Variants in NME8 observed in about 807,000 individuals in gnomAD.
NME8 encodes protein NME8.
A neutral mutation model predicts 82.3 loss-of-function variants in NME8; 72 were observed. That is an observed-to-expected ratio of 0.87 (90% CI 0.72 to 1.06). NME8 has a LOEUF of 1.06. NME8 is among the 50% of genes least tolerant of loss of function. NME8 has a pLI of 0.00. For synonymous variants in NME8, 267 were observed against 228.5 expected (o/e 1.17, Z -1.52); for missense variants, 712 against 685.4 (o/e 1.04, Z -0.43).
intron 5 of NME8, among the ~76,000 whole-genome samples, chr7:37,852,971 T>G (rs1168631259): frequency 6.6e-6 from 1 of 152,224 alleles, no homozygotes; most frequent in Non-Finnish European, 1.5e-5. Context: ...TGAGAGTTTC[T>G]GTTGGTCCAC....
At position 37,896,874 on chromosome 7, in the gene NME8, C is replaced by G. The variant is rs1316305074; in HGVS notation, c.1549C>G (p.Pro517Ala). Residue 517 changes from proline to alanine, a missense_variant, in exon 17 of 18, where the codon CCA (proline) becomes GCA (alanine). Transcript: ENST00000199447. ...TGAAAGCACCGTTCTTTGCAGGGGTCCATCTATGGTCATGATTCTGACCAA... is the reference window on the plus strand; with the variant it reads ...TGAAAGCACCGTTCTTTGCAGGGGTGCATCTATGGTCATGATTCTGACCAA... ...KDLLEMLSVG[P>A]SMVMILTKWN... is the part of the protein sequence containing the mutation. 5 of 1,613,184 alleles carry G rather than the reference C, an allele frequency of 3.1e-6. No individual in the cohort carries two copies. In the African/African-American group the frequency reaches 6.7e-5, roughly 22 times the overall value.
rs1044473414 is a variant in NME8, at chr7:37,867,855, G to A, written c.775G>A (p.Glu259Lys). ...ACGATCTGAGGATCAACCTGAGGTC[G>A]AAGCCCAGGTTACACCTGGAATGAT... ...NERSEDQPEVEAQVTPGMMKN... is the reference protein window; with the variant it reads ...NERSEDQPEVKAQVTPGMMKN... The change falls in exon 11 of 18, where the codon GAA becomes AAA. Residue 259 changes from glutamate to lysine, a missense_variant. Coordinates refer to ENST00000199447, the MANE Select transcript of NME8 (RefSeq NM_016616.5). The A allele has an allele frequency of 6.8e-6, 11 of 1,613,672 alleles. No homozygotes were observed. Among genetic ancestry groups the A allele is most frequent in the South Asian group, 3.3e-5 (3 of 91,084 alleles).
At chr7:37,870,007 C>A (rs1383994802) in intron 11 of NME8, among the ~76,000 whole-genome samples, 3 of 152,114 alleles carry the variant, frequency 2.0e-5, no homozygotes, top group Non-Finnish European at 2.9e-5. Context: ...AAGAATGTAA[C>A]CACATCTGAA....
chr7:37,896,690 A>T (rs989251109), intron 16 of NME8, 180 bp from the exon 17 acceptor site: 3 of 621,914 alleles, frequency 4.8e-6, no homozygotes, highest in Non-Finnish European at 5.7e-6. Flanking sequence ...GCACCCACCT[A>T]GCATATAAAC....
intron 10 of NME8, among the ~76,000 whole-genome samples, chr7:37,867,293 C>CT (rs533412624): frequency 0.028 from 3,975 of 143,442 alleles, 149 homozygotes; most frequent in African/African-American, 0.087. Flanking sequence ...AGGTATGTAG[C>CT]TTTTTTTTTT....
intron 5 of NME8, among the ~76,000 whole-genome samples, chr7:37,857,020 G>A (rs1784521670): frequency 6.6e-6 from 1 of 152,148 alleles, no homozygotes; most frequent in Non-Finnish European, 1.5e-5. Flanking sequence ...CAGGACCAGG[G>A]AGGAAAAGAT....
intron 11 of NME8, among the ~76,000 whole-genome samples, chr7:37,871,087 A>C (rs903112511): frequency 2.6e-5 from 4 of 152,056 alleles, no homozygotes; most frequent in Admixed American, 1.3e-4. Flanking sequence ...GGGGATGGAG[A>C]GGGTGAGACA....
intron 17 of NME8, among the ~76,000 whole-genome samples, chr7:37,898,479 A>G (rs1228381064): frequency 3.3e-5 from 5 of 152,216 alleles, no homozygotes; most frequent in Admixed American, 1.3e-4. Flanking sequence ...CCAAGTGTCC[A>G]TTAACAAAAC....
intron 11 of NME8, among the ~76,000 whole-genome samples, chr7:37,873,949 T>C (rs2722305): frequency 0.56 from 84,785 of 152,068 alleles, 24,812 homozygotes; most frequent in East Asian, 0.69. Flanking sequence ...GAGAATAAGT[T>C]ACTTACAAGG....
At chr7:37,881,987 T>C (rs995870225) in intron 12 of NME8, among the ~76,000 whole-genome samples, 5 of 152,234 alleles carry the variant, frequency 3.3e-5, no homozygotes, top group African/African-American at 1.2e-4. Context: ...GTCAGCTTGG[T>C]TTTTGTTCCT....
intron 7 of NME8, 47 bp downstream of exon 7, chr7:37,862,191 G>C (rs545607308): frequency 1.5e-6 from 2 of 1,290,488 alleles, no homozygotes; most frequent in Non-Finnish European, 2.3e-6. Context: ...TTATCATTTA[G>C]AGTGAAATAG....
intron 5 of NME8, among the ~76,000 whole-genome samples, chr7:37,856,392 T>G (rs1784511808): frequency 1.3e-5 from 2 of 152,126 alleles, no homozygotes; most frequent in South Asian, 4.1e-4. Flanking sequence ...GGCCTTCACT[T>G]CTGGCACCCA....
intron 12 of NME8, among the ~76,000 whole-genome samples, chr7:37,881,316 A>C (rs899004032): frequency 3.9e-5 from 6 of 152,156 alleles, no homozygotes; most frequent in African/African-American, 1.4e-4. Context: ...TTCTCTAGTA[A>C]GTTGAGAAAG....
In NME8 at chr7:37,888,299, G is replaced by C. The variant is rs1235304351; in HGVS notation, c.1270G>C (p.Asp424His). The change falls in exon 15 of 18, where the codon GAC becomes CAC. Residue 424 changes from aspartate (D) to histidine (H), a missense_variant. Asp to His is a moderately conservative substitution (Grantham distance 81, BLOSUM62 -1). Coordinates refer to ENST00000199447, the MANE Select transcript of NME8 (RefSeq NM_016616.5). The stretch of plus-strand genomic sequence containing the variant: ...AAGTTTATGTGCACAGTTTGCGATG[G>C]ACAGTTTGCCGGTCAACCAGTTGTA... ...PESLCAQFAM[D>H]SLPVNQLYGS... The C allele has an allele frequency of 1.9e-6, 3 of 1,613,450 alleles. No individual in the cohort carries two copies. Among genetic ancestry groups the C allele is most frequent in the Non-Finnish European group, 2.5e-6 (3 of 1,179,690 alleles).
intron 7 of NME8, 82 bp from the exon 8 acceptor site, chr7:37,863,314 A>G: frequency 1.3e-6 from 1 of 793,524 alleles, no homozygotes; most frequent in East Asian, 2.5e-5. Flanking sequence ...AATATTTACT[A>G]GATACAAAAT....
chr7:37,878,934 G>T (rs1308948756), intron 12 of NME8, among the ~76,000 whole-genome samples: 1 of 151,954 alleles, frequency 6.6e-6, no homozygotes, highest in African/African-American at 2.4e-5. Flanking sequence ...CCTATGGATT[G>T]TGACAAATGC....
rs759642537 is a variant in NME8, at chr7:37,865,562, A to C, written c.566A>C (p.Lys189Thr). ...GGATTTATTATAGAAGCAGAGCATA[A>C]GACAGTGCTCACTGAAGAACAAGTT... ...KAGFIIEAEH[K>T]TVLTEEQVVN... Residue 189 changes from lysine to threonine, a missense_variant, in exon 10 of 18, where the codon AAG (lysine) becomes ACG (threonine). Transcript: ENST00000199447. 1.9e-6 allele frequency: 3 copies of C among 1,613,404 alleles called. No homozygotes were observed. Among genetic ancestry groups the C allele is most frequent in the Non-Finnish European group, 2.5e-6 (3 of 1,179,400 alleles).
At chr7:37,854,272 A>C (rs1264373293) in intron 5 of NME8, among the ~76,000 whole-genome samples, 1 of 152,172 alleles carries the variant, frequency 6.6e-6, no homozygotes, top group Admixed American at 6.6e-5. Flanking sequence ...TATATTTACT[A>C]TGCATTAAGT....
chr7:37,849,371 AC>A (rs1457838573), intron 2 of NME8, among the ~76,000 whole-genome samples: 5 of 152,178 alleles, frequency 3.3e-5, no homozygotes, highest in Non-Finnish European at 7.4e-5. Flanking sequence ...GGAAAACAAA[AC>A]CTTTAAAAAA....
Sources: allele counts gnomAD v4.1 joint callset (sites outside exome capture counted in the v4.1 genomes callset), GRCh38; gene constraint gnomAD v4.1.1; transcripts MANE v1.5; gene names NCBI Gene and HGNC (gene_info 2026-07-23, HGNC 2026-07-21).